ROS1: variants seen among roughly 807,000 people sequenced by gnomAD.
ROS1 encodes proto-oncogene tyrosine-protein kinase ROS.
ROS1 carries 263 observed loss-of-function variants against 273.5 expected under a neutral mutation model. The observed-to-expected ratio is 0.96, with a 90% confidence interval of 0.87 to 1.06. The LOEUF (loss-of-function observed/expected upper bound fraction) is 1.06, where lower values mean the gene tolerates loss of function less well. Among genes scored for constraint, ROS1 ranks in the 50% least tolerant of loss-of-function variants. The pLI, the probability that ROS1 is intolerant of heterozygous loss-of-function variation, is 0.00. For missense variants in ROS1, 2,833 were observed against 2,751.1 expected, an observed-to-expected ratio of 1.03 and a Z score of -0.67; for synonymous variants, 1,008 against 954.1, an observed-to-expected ratio of 1.06 and a Z score of -1.04.
At chr6:117,344,318 A>G in intron 27 of ROS1, 56 bp from the exon 28 acceptor site, 2 of 1,228,582 alleles carry the variant, frequency 1.6e-6, no homozygotes, top group Non-Finnish European at 2.3e-6. Context: ...ATGAGAGGAA[A>G]AGCAGATTTT....
chr6:117,325,089 AAAGTTTG>A, intron 34 of ROS1, among the ~76,000 whole-genome samples: 1 of 152,270 alleles, frequency 6.6e-6, no homozygotes, highest in East Asian at 1.9e-4. Context: ...CTTTTCAGAA[AAAGTTTG>A]CTGAGCTGGG....
chr6:117,418,470 T>A lies in ROS1; in HGVS notation c.160A>T (p.Ser54Cys). 1 of 1,597,212 alleles carries A rather than the reference T, an allele frequency of 6.3e-7. No homozygotes were observed. Among genetic ancestry groups the A allele is most frequent in the Non-Finnish European group, 8.5e-7 (1 of 1,173,834 alleles). ...QLDLGTPHNL[S>C]EPCIQGCHFW... The stretch of plus-strand genomic sequence containing the variant: ...CTGAAGAAATTACTTACCGGTTCAC[T>A]CAGATTATGTGGTGTGCCAAGGTCA... Residue 54 changes from serine (S) to cysteine (C), a missense_variant, in exon 2 of 44, where the codon AGT becomes TGT. Coordinates refer to ENST00000368507, the MANE Select transcript of ROS1 (RefSeq NM_001378902.1).
chr6:117,389,937 C>A, intron 12 of ROS1, 91 bp from the exon 13 acceptor site: 1 of 1,155,202 alleles, frequency 8.7e-7, no homozygotes, highest in South Asian at 1.5e-5. Context: ...GTTGCACAAT[C>A]AGAACTATGT....
chr6:117,336,637 G>A (rs1025809136), intron 32 of ROS1, among the ~76,000 whole-genome samples: 36 of 152,040 alleles, frequency 2.4e-4, no homozygotes, highest in Non-Finnish European at 1.5e-5. Context: ...GTGAACATAC[G>A]TGTGCATGTA....
chr6:117,425,774 G>T lies in ROS1; in HGVS notation c.-118C>A. 2 of 1,114,060 alleles carry T rather than the reference G, an allele frequency of 1.8e-6. No homozygotes were observed. Among genetic ancestry groups the T allele is most frequent in the South Asian group, 2.7e-5 (2 of 73,634 alleles). The allele number at this position is 1,114,060 out of a possible 1,614,324, so 69.0% of individuals were successfully genotyped here. A position where few individuals can be genotyped will look rare whatever the true frequency, so the allele number is the denominator to read the frequency against. On this transcript the variant is annotated 5_prime_UTR_variant, in exon 1 of 44. Transcript: ENST00000368507. ...GTAGCTGATGGATTTTGCTTTGTTT[G>T]TTTTGCTATATTAGGATATACTTGC...
chr6:117,329,308 G>GACAAACACATT, intron 33 of ROS1, 21 bp downstream of exon 33: 1 of 1,058,482 alleles, frequency 9.4e-7, no homozygotes, highest in Non-Finnish European at 1.4e-6. Flanking sequence ...TCATTTACAA[G>GACAAACACATT]TACTTTGCAA....
chr6:117,303,843 A>G (rs1774916435), intron 42 of ROS1, among the ~76,000 whole-genome samples: 1 of 152,206 alleles, frequency 6.6e-6, no homozygotes, highest in African/African-American at 2.4e-5. Context: ...GATTATAATC[A>G]CTAGGTAACG....
At chr6:117,397,395 A>G (rs953849243) in intron 7 of ROS1, among the ~76,000 whole-genome samples, 4 of 152,212 alleles carry the variant, frequency 2.6e-5, no homozygotes, top group African/African-American at 9.6e-5. Flanking sequence ...CCTTTTAAAA[A>G]AAGTCATCAG....
chr6:117,311,839 C>CA (rs1775573108), intron 39 of ROS1, among the ~76,000 whole-genome samples: 1 of 152,074 alleles, frequency 6.6e-6, no homozygotes, highest in African/African-American at 2.4e-5. Context: ...TGGGAAAATT[C>CA]AAAGTTCCTG....
rs141920103 is a variant in ROS1, at chr6:117,320,073, A to G, written c.5760-43T>C. 67 of 1,546,082 alleles carry G rather than the reference A, an allele frequency of 4.3e-5. 1 individual carries two copies. Among genetic ancestry groups the G allele is most frequent in the Non-Finnish European group, 5.4e-5 (61 of 1,122,356 alleles). ...TTTTGTCTCCCCACCCTCCACATAT[A>G]TAGGGTGTACAAGTTTGTGTTGGTA... On this transcript the variant is annotated intron_variant, in intron 36 of 43. Coordinates refer to ENST00000368507, the MANE Select transcript of ROS1 (RefSeq NM_001378902.1).
At chr6:117,368,542 AG>A (rs1780459897) in intron 18 of ROS1, among the ~76,000 whole-genome samples, 1 of 152,194 alleles carries the variant, frequency 6.6e-6, no homozygotes, top group African/African-American at 2.4e-5. Context: ...CGTACTGCTC[AG>A]TGCAGCAGCA....
chr6:117,401,700 G>T (rs1400827970), intron 7 of ROS1, among the ~76,000 whole-genome samples: 1 of 150,644 alleles, frequency 6.6e-6, no homozygotes, highest in African/African-American at 2.4e-5. Flanking sequence ...ACAATGTCTG[G>T]TATATAATAG....
At chr6:117,359,251 C>A (rs1779584893) in intron 24 of ROS1, among the ~76,000 whole-genome samples, 1 of 152,206 alleles carries the variant, frequency 6.6e-6, no homozygotes, top group African/African-American at 2.4e-5. Context: ...GCTCTCAGCA[C>A]AACAGTTATC....
chr6:117,317,429 C>T (rs1283877211), intron 38 of ROS1, among the ~76,000 whole-genome samples, 157 bp from the exon 39 acceptor site: 2 of 152,082 alleles, frequency 1.3e-5, no homozygotes, highest in Non-Finnish European at 2.9e-5. Context: ...GGTCTTTGTG[C>T]TTACCTTAAA....
chr6:117,328,760 G>T (rs2128590917), intron 33 of ROS1: 1 of 613,878 alleles, frequency 1.6e-6, no homozygotes, highest in Non-Finnish European at 3.2e-6. Context: ...GTACTGGCCA[G>T]GTCTGAGGCT....
rs1441561770 is a variant in ROS1, at chr6:117,326,330, C to T, written c.5433G>A (p.Trp1811Ter). Residue 1811 changes from tryptophan to a stop codon, truncating the protein, a stop_gained, in exon 34 of 44, where the codon TGG becomes TGA. Transcript: ENST00000368507. LOFTEE classifies it high-confidence loss of function. ...ATATTCCTTTCAGGTTTTTGGACTT[C>T]CATGTGCAAACACTACTGCAGGATC... ...FNGSCSSVCT[W>*]KSKNLKGIFQ... The T allele has an allele frequency of 1.9e-6, 3 of 1,601,896 alleles. No individual in the cohort carries two copies. Among genetic ancestry groups the T allele is most frequent in the Non-Finnish European group, 2.6e-6 (3 of 1,175,640 alleles).
chr6:117,357,717 G>A, intron 25 of ROS1, 87 bp downstream of exon 25: 1 of 874,010 alleles, frequency 1.1e-6, no homozygotes, highest in Admixed American at 2.6e-5. Flanking sequence ...TTCCATAATT[G>A]TCTTCTACTA....
intron 39 of ROS1, 137 bp downstream of exon 39, chr6:117,317,006 G>T: frequency 3.2e-6 from 3 of 927,244 alleles, no homozygotes; most frequent in Non-Finnish European, 4.6e-6. Flanking sequence ...AAGCTAATGT[G>T]AAGGAAACAG....
intron 34 of ROS1, among the ~76,000 whole-genome samples, chr6:117,325,280 T>C (rs1370206285): frequency 1.3e-5 from 2 of 152,122 alleles, no homozygotes; most frequent in Admixed American, 1.3e-4. Context: ...AGAATTTCAA[T>C]TGGCAGAAAA....
Sources: gnomAD v4.1 joint callset for allele counts (sites outside exome capture counted in the v4.1 genomes callset) on GRCh38, gnomAD v4.1.1 for gene constraint, MANE v1.5 for transcripts, NCBI Gene and HGNC (gene_info 2026-07-23, HGNC 2026-07-21) for gene names.